Variants in ZNF596 observed in about 807,000 individuals in gnomAD.
The protein encoded by ZNF596 is zinc finger protein 596.
Under a neutral mutation model 48.3 loss-of-function variants are expected in ZNF596, and 45 were observed. The ratio of observed to expected loss-of-function variants is 0.93; its 90% CI spans 0.73 to 1.19. The LOEUF (loss-of-function observed/expected upper bound fraction) is 1.19, where lower values mean the gene tolerates loss of function less well. ZNF596 is among the 50% of genes most tolerant of loss of function. The pLI, the probability that ZNF596 is intolerant of heterozygous loss-of-function variation, is 0.00. For synonymous variants in ZNF596, 270 were observed against 202.0 expected (o/e 1.34, Z -2.85); for missense variants, 848 against 599.7 (o/e 1.41, Z -4.32).
At position 244,764 on chromosome 8, in the gene ZNF596, G is replaced by C. The variant is rs537756537; in HGVS notation, c.306+63G>C. 2.4e-3 allele frequency: 3,363 copies of C among 1,411,018 alleles called. 7 individuals are homozygous for C. Among genetic ancestry groups the C allele is most frequent in the Non-Finnish European group, 3.0e-3 (3,011 of 1,014,684 alleles). The allele number at this position is 1,411,018 out of a possible 1,614,324, so 87.4% of individuals were successfully genotyped here. A position where few individuals can be genotyped will look rare whatever the true frequency, so the allele number is the denominator to read the frequency against. On this transcript the variant is annotated intron_variant, in intron 5 of 5. Coordinates refer to ENST00000398612, the MANE Select transcript of ZNF596 (RefSeq NM_001042416.3). ...GAAACCTGGACATTAAACAACTTTGGAATTTGGTACAGGTACCTGACTGTA... is the reference window on the plus strand; with the variant it reads ...GAAACCTGGACATTAAACAACTTTGCAATTTGGTACAGGTACCTGACTGTA...
At position 246,710 on chromosome 8, in the gene ZNF596, T is replaced by C. The variant is rs1563073557; in HGVS notation, c.*348T>C. 5.2e-6 allele frequency: 1 copy of C among 194,096 alleles called. No homozygotes were observed. The highest frequency in any genetic ancestry group is 1.1e-5 in the Non-Finnish European group (1 of 94,954). The allele number at this position is 194,096 out of a possible 1,614,324, so 12.0% of individuals were successfully genotyped here. ...GCTGATAATTTATCCTCTAAACAAA[T>C]GAGTAAAATCCACAGGCAAGCAACC... is the stretch of plus-strand genomic sequence containing the variant. On this transcript the variant is annotated 3_prime_UTR_variant, in exon 6 of 6. Transcript: ENST00000398612.
intron 2 of ZNF596, among the ~76,000 whole-genome samples, chr8:242,498 C>T (rs566322857): frequency 6.0e-5 from 9 of 150,352 alleles, no homozygotes; most frequent in South Asian, 2.1e-4. Context: ...TTGATTAAAA[C>T]GTGACAAATT....
rs191538991 is a variant in ZNF596, at chr8:244,514, C to G, written c.224-105C>G. The G allele has an allele frequency of 1.6e-5, 12 of 737,540 alleles. No individual in the cohort carries two copies. The East Asian group carries it at 2.4e-4, about 15-fold the overall frequency. The allele number at this position is 737,540 out of a possible 1,614,324, so 45.7% of individuals were successfully genotyped here. On this transcript the variant is annotated intron_variant, in intron 4 of 5. Coordinates refer to ENST00000398612, the MANE Select transcript of ZNF596 (RefSeq NM_001042416.3). ...AGTATGGTTAATTTAACATTCTTTC[C>G]CTGTCTGTGTGTATTTGAAACACAC...
chr8:244,464 T>A (rs1796978691), intron 4 of ZNF596, 155 bp from the exon 5 acceptor site: 1 of 616,388 alleles, frequency 1.6e-6, no homozygotes, highest in East Asian at 2.9e-5. Context: ...CAGTAGTCAA[T>A]GTGCTATAAT....
Position 246,487 on chromosome 8 carries a change from T to G in ZNF596, c.*125T>G. The G allele has an allele frequency of 8.0e-7, 1 of 1,251,264 alleles. No individual in the cohort carries two copies. The highest frequency in any genetic ancestry group is 1.5e-5 in the South Asian group (1 of 64,554). 77.5% of individuals were successfully genotyped at this position (1,251,264 alleles called of 1,614,324 possible). On this transcript the variant is annotated 3_prime_UTR_variant, in exon 6 of 6. Coordinates refer to ENST00000398612, the MANE Select transcript of ZNF596 (RefSeq NM_001042416.3). The stretch of plus-strand genomic sequence containing the variant: ...TACCACTTTGCTCAACCTAAATGAA[T>G]TCAAGGTAGAGAGAATCCAGATGTA...
At chr8:243,960 T>C (rs1796958123) in intron 4 of ZNF596, 155 bp downstream of exon 4, 1 of 528,096 alleles carries the variant, frequency 1.9e-6, no homozygotes, top group African/African-American at 2.0e-5. Context: ...TGATCTCGGC[T>C]CACTGCAACC....
Position 245,727 on chromosome 8 carries a change from C to G in ZNF596, c.880C>G (p.Leu294Val). ...GAAAGCCTTCACTCATTGCTCTGAC[C>G]TTAGAAAACATGAGAGAACTCACTT... is the stretch of plus-strand genomic sequence containing the variant. ...CGKAFTHCSD[L>V]RKHERTHLGD... is the part of the protein sequence containing the mutation. Residue 294 changes from leucine (L) to valine (V), a missense_variant, in exon 6 of 6, where the codon CTT (leucine) becomes GTT (valine). By Grantham distance (32) the Leu-to-Val change is conservative (BLOSUM62 1). Coordinates refer to ENST00000398612, the MANE Select transcript of ZNF596 (RefSeq NM_001042416.3). 1.2e-6 allele frequency: 2 copies of G among 1,614,088 alleles called. No individual in the cohort carries two copies. The highest frequency in any genetic ancestry group is 1.3e-5 in the African/African-American group (1 of 75,042).
At chr8:245,124 A>G in intron 5 of ZNF596, 30 bp from the exon 6 acceptor site, 1 of 1,542,412 alleles carries the variant, frequency 6.5e-7, no homozygotes, top group Non-Finnish European at 8.7e-7. Flanking sequence ...ATAAACCTTT[A>G]ATAGTCTTTC....
intron 1 of ZNF596, chr8:234,835 G>C (rs1584899543): frequency 6.6e-6 from 1 of 152,146 alleles, no homozygotes; most frequent in Non-Finnish European, 1.5e-5. Context: ...ATGGGAAGTG[G>C]GCCACATGGT....
intron 1 of ZNF596, 69 bp from the exon 2 acceptor site, chr8:240,755 T>C (rs1416194048): frequency 1.9e-6 from 2 of 1,027,808 alleles, no homozygotes; most frequent in South Asian, 1.4e-5. Context: ...GCTAATAGCT[T>C]TGGGGCAGAT....
chr8:245,613 T>C lies in ZNF596; in HGVS notation c.766T>C (p.Cys256Arg), dbSNP rs1584915976. 1 of 1,614,098 alleles carries C rather than the reference T, an allele frequency of 6.2e-7. No individual in the cohort carries two copies. The highest frequency in any genetic ancestry group is 8.5e-7 in the Non-Finnish European group (1 of 1,180,012). The change falls in exon 6 of 6, where the codon TGT (cysteine) becomes CGT (arginine). Residue 256 changes from cysteine to arginine, a missense_variant. Cys to Arg is a radical substitution (Grantham distance 180). Transcript: ENST00000398612. ...AGAGAAGCCATATGGATGTCATCTA[T>C]GTGGGAAAGCCTTCAGTAAAAGTTC... ...TGEKPYGCHL[C>R]GKAFSKSSNL...
chr8:244,828 AGTGAAGAC>A, intron 5 of ZNF596, 127 bp downstream of exon 5: 8 of 779,852 alleles, frequency 1.0e-5, no homozygotes, highest in Middle Eastern at 2.3e-4. Context: ...GTTTGGATTT[AGTGAAGAC>A]GTTAACTTCA....
rs891346547 is a variant in ZNF596 at position 246,985 on chromosome 8, C to G, written c.*623C>G. On this transcript the variant is annotated 3_prime_UTR_variant, in exon 6 of 6. Transcript: ENST00000398612. ...ATCAGAATTCACATGGTGTAGAACT[C>G]TCAATGACATGAATGGAGGGTAGTC... 1.1e-4 allele frequency: 16 copies of G among 152,116 alleles called. No individual in the cohort carries two copies. The highest frequency in any genetic ancestry group is 3.9e-4 in the African/African-American group (16 of 41,382). 9.4% of individuals were successfully genotyped at this position (152,116 alleles called of 1,614,324 possible).
chr8:235,309 G>C (rs554996985), intron 1 of ZNF596, among the ~76,000 whole-genome samples: 3 of 152,286 alleles, frequency 2.0e-5, no homozygotes, highest in Admixed American at 1.3e-4. Context: ...AAATGTCTGA[G>C]GGTTCCTCCA....
At chr8:233,136 A>C in intron 1 of ZNF596, 1 of 468,224 alleles carries the variant, frequency 2.1e-6, no homozygotes, top group East Asian at 6.9e-5. Context: ...TGGGAAGTGG[A>C]TGGGTCTGAG....
intron 1 of ZNF596, among the ~76,000 whole-genome samples, chr8:235,394 T>C (rs1190104344): frequency 1.3e-5 from 2 of 152,248 alleles, no homozygotes; most frequent in East Asian, 3.9e-4. Context: ...TCTAGCAAGA[T>C]GCAGCCCACA....
intron 1 of ZNF596, among the ~76,000 whole-genome samples, chr8:235,567 T>G (rs1480374316): frequency 6.6e-6 from 1 of 152,250 alleles, no homozygotes; most frequent in Non-Finnish European, 1.5e-5. Flanking sequence ...TTTTATTATT[T>G]TATAGACATA....
At chr8:242,741 A>C (rs890348630) in intron 2 of ZNF596, 146 bp from the exon 3 acceptor site, 17 of 620,052 alleles carry the variant, frequency 2.7e-5, no homozygotes, top group Admixed American at 1.6e-4. Context: ...GTTCAGATTT[A>C]AAGCAATGTG....
In ZNF596 at chr8:232,685, G is replaced by A; in HGVS notation, c.-82G>A. 2 of 379,814 alleles carry A rather than the reference G, an allele frequency of 5.3e-6. No homozygotes were observed. Among genetic ancestry groups the A allele is most frequent in the Non-Finnish European group, 1.1e-5 (2 of 185,750 alleles). 23.5% of individuals were successfully genotyped at this position (379,814 alleles called of 1,614,324 possible). On this transcript the variant is annotated 5_prime_UTR_variant, in exon 1 of 6. Coordinates refer to ENST00000398612, the MANE Select transcript of ZNF596 (RefSeq NM_001042416.3). The stretch of plus-strand genomic sequence containing the variant: ...TCACCGTCCGCCCATCCTATCGCGC[G>A]CGGCCTCAGGTCCCGATTCGGCATG...
Sources: allele counts gnomAD v4.1 joint callset (sites outside exome capture counted in the v4.1 genomes callset), GRCh38; gene constraint gnomAD v4.1.1; transcripts MANE v1.5; gene names NCBI Gene and HGNC (gene_info 2026-07-23, HGNC 2026-07-21).